Variants in TOR3A observed in about 807,000 individuals in gnomAD.
TOR3A encodes torsin family 3 member A, also known as torsin-3A.
TOR3A carries 44 observed loss-of-function variants against 42.1 expected under a neutral mutation model. The ratio of observed to expected loss-of-function variants is 1.04; its 90% confidence interval spans 0.82 to 1.34. The LOEUF (loss-of-function observed/expected upper bound fraction) is 1.34. Ranked by LOEUF, TOR3A falls within the 40% of genes most tolerant of loss-of-function variation. The pLI, the probability that TOR3A is intolerant of heterozygous loss-of-function variation, is 0.00. For synonymous variants in TOR3A, 227 were observed against 213.2 expected, an observed-to-expected ratio of 1.06 and a Z score of -0.57; for missense variants, 521 against 507.6, an observed-to-expected ratio of 1.03 and a Z score of -0.25.
intron 3 of TOR3A, among the ~76,000 whole-genome samples, chr1:179,086,213 A>T (rs1189633197): frequency 6.6e-6 from 1 of 152,202 alleles, no homozygotes; most frequent in African/African-American, 2.4e-5. Context: ...TAGAACAGAG[A>T]AAAGCAAAAA....
In TOR3A at chr1:179,095,289, C is replaced by T. The variant is rs764267240; in HGVS notation, c.*71C>T. ...GACCCTGGGACCTGTAGGAGCACCC[C>T]GTTTGGGACTGTGAGGTGTTTGAGG... On this transcript the variant is annotated 3_prime_UTR_variant, in exon 6 of 6. Coordinates refer to ENST00000367627, the MANE Select transcript of TOR3A (RefSeq NM_022371.4). 1.5e-5 allele frequency: 24 copies of T among 1,590,934 alleles called. 1 individual carries two copies. In the African/African-American group the frequency reaches 2.0e-4, roughly 13 times the overall value.
chr1:179,084,038 C>G (rs919748154), intron 2 of TOR3A, among the ~76,000 whole-genome samples: 5 of 152,144 alleles, frequency 3.3e-5, no homozygotes, highest in Non-Finnish European at 7.3e-5. Context: ...TGGATCACTG[C>G]TGACTTGGAT....
chr1:179,087,338 G>A (rs1399943557), intron 3 of TOR3A, among the ~76,000 whole-genome samples: 4 of 152,170 alleles, frequency 2.6e-5, no homozygotes, highest in African/African-American at 9.7e-5. Flanking sequence ...TCTCGGCCCA[G>A]CCAGGGTGCC....
Position 179,095,828 on chromosome 1 carries a change from GGAAAAGTACACA to G in TOR3A, c.*613_*624del, listed in dbSNP as rs1652726910. The G allele has an allele frequency of 5.1e-6, 5 of 986,618 alleles. No individual in the cohort carries two copies. The highest frequency in any genetic ancestry group is 6.0e-6 in the Non-Finnish European group (5 of 831,042). The allele number at this position is 986,618 out of a possible 1,614,324, so 61.1% of individuals were successfully genotyped here. On this transcript the variant is annotated 3_prime_UTR_variant, in exon 6 of 6. Transcript: ENST00000367627. ...ATCAGCCAAGAGCCTGAGGCTGAAGGGAAAAGTACACAGAGGAAGATATTTTACAAACCAGGT... is the reference window on the plus strand; with the variant it reads ...ATCAGCCAAGAGCCTGAGGCTGAAGGGAGGAAGATATTTTACAAACCAGGT...
chr1:179,091,644 A>T (rs1488547195), intron 4 of TOR3A: 1 of 152,120 alleles, frequency 6.6e-6, no homozygotes, highest in African/African-American at 2.4e-5. Context: ...ATGTGATGGG[A>T]CCTCTCTTTA....
In TOR3A at chr1:179,088,832, C is replaced by G. The variant is rs531973284; in HGVS notation, c.818+743C>G. 3.2e-4 allele frequency among the ~76,000 whole-genome samples: 49 copies of G among 152,332 alleles called. No homozygotes were observed. In the South Asian group the frequency reaches 7.0e-3, roughly 22 times the overall value. ...GGCTCCAACTGGGGGAGTCCTGTGT[C>G]TGTTACAAGTCAAGTTTGGGCCCTT... On this transcript the variant is annotated intron_variant, in intron 4 of 5. Transcript: ENST00000367627.
intron 4 of TOR3A, among the ~76,000 whole-genome samples, chr1:179,092,155 G>A (rs1174284728): frequency 2.6e-5 from 4 of 152,210 alleles, no homozygotes; most frequent in South Asian, 2.1e-4. Flanking sequence ...AGGGAAGGAC[G>A]CCTGCCCAGC....
rs1572578789 is a variant in TOR3A at position 179,095,467 on chromosome 1, C to T, written c.*249C>T. 1 of 1,363,780 alleles carries T rather than the reference C, an allele frequency of 7.3e-7. No individual in the cohort carries two copies. The highest frequency in any genetic ancestry group is 2.8e-5 in the East Asian group (1 of 35,438). The allele number at this position is 1,363,780 out of a possible 1,614,324, so 84.5% of individuals were successfully genotyped here. On this transcript the variant is annotated 3_prime_UTR_variant, in exon 6 of 6. Transcript: ENST00000367627. Reference sequence around the variant, plus strand: ...GGATTGCTGAATTCAAAAACAGAGCCCATTCTTAAGATCACTTGGTGCCTT... The same window carrying T: ...GGATTGCTGAATTCAAAAACAGAGCTCATTCTTAAGATCACTTGGTGCCTT...
intron 5 of TOR3A, 73 bp from the exon 6 acceptor site, chr1:179,094,895 C>A (rs912307078): frequency 1.4e-6 from 2 of 1,473,648 alleles, no homozygotes; most frequent in Non-Finnish European, 1.9e-6. Context: ...CCAACAGCAA[C>A]CCCCACCCCC....
chr1:179,088,770 C>G (rs1652500732), intron 4 of TOR3A, among the ~76,000 whole-genome samples: 1 of 152,190 alleles, frequency 6.6e-6, no homozygotes, highest in African/African-American at 2.4e-5. Context: ...GTGAAGCCAA[C>G]TTAGAAATAA....
intron 1 of TOR3A, among the ~76,000 whole-genome samples, 174 bp downstream of exon 1, chr1:179,082,561 C>A (rs1372774965): frequency 6.6e-6 from 1 of 152,242 alleles, no homozygotes; most frequent in Non-Finnish European, 1.5e-5. Context: ...GGAGCCCCAT[C>A]ACCGCCCTTG....
At chr1:179,089,944 C>T (rs948597658) in intron 4 of TOR3A, among the ~76,000 whole-genome samples, 29 of 152,286 alleles carry the variant, frequency 1.9e-4, no homozygotes, top group African/African-American at 6.5e-4. Flanking sequence ...TCACCTGGGC[C>T]GTGATTGCCT....
At chr1:179,093,946 T>C in intron 4 of TOR3A, 147 bp from the exon 5 acceptor site, 1 of 1,021,026 alleles carries the variant, frequency 9.8e-7, no homozygotes, top group Non-Finnish European at 1.4e-6. Flanking sequence ...GTTGTGAGGT[T>C]GTGACAAGGT....
At chr1:179,086,719 A>G (rs756113562) in intron 3 of TOR3A, among the ~76,000 whole-genome samples, 1 of 150,930 alleles carries the variant, frequency 6.6e-6, no homozygotes, top group Non-Finnish European at 1.5e-5. Context: ...TGATTTTTTC[A>G]TGTCTTCCCG....
chr1:179,095,568 A>G lies in TOR3A; in HGVS notation c.*350A>G, dbSNP rs1048522367. On this transcript the variant is annotated 3_prime_UTR_variant, in exon 6 of 6. Transcript: ENST00000367627. ...GTTGAAGAAAGCCATGTGGGAGCTCAGCAAATCCCAAGGGCTTATTATGAC... is the reference window on the plus strand; with the variant it reads ...GTTGAAGAAAGCCATGTGGGAGCTCGGCAAATCCCAAGGGCTTATTATGAC... 22 of 1,146,638 alleles carry G rather than the reference A, an allele frequency of 1.9e-5. No individual in the cohort carries two copies. The African/African-American group carries it at 3.3e-4, about 17-fold the overall frequency. The allele number at this position is 1,146,638 out of a possible 1,614,324, so 71.0% of individuals were successfully genotyped here.
chr1:179,082,737 G>A (rs1183342421), intron 1 of TOR3A: 1 of 704,358 alleles, frequency 1.4e-6, no homozygotes, highest in South Asian at 1.5e-5. Context: ...AACGTCCGCT[G>A]TGGACATGCC....
intron 1 of TOR3A, 136 bp downstream of exon 1, chr1:179,082,523 G>GC: frequency 1.5e-6 from 2 of 1,326,882 alleles, no homozygotes; most frequent in Non-Finnish European, 2.0e-6. Flanking sequence ...GGTACCGGCT[G>GC]TGGGCGGGGG....
At chr1:179,094,870 C>T in intron 5 of TOR3A, 98 bp from the exon 6 acceptor site, 1 of 1,189,260 alleles carries the variant, frequency 8.4e-7, no homozygotes, top group Non-Finnish European at 1.2e-6. Flanking sequence ...AGAGCAAGCC[C>T]CTGTTTCAAA....
At position 179,095,469 on chromosome 1, in the gene TOR3A, A is replaced by C. The variant is rs1652716673; in HGVS notation, c.*251A>C. The C allele has an allele frequency of 1.5e-6, 2 of 1,361,302 alleles. No individual in the cohort carries two copies. The highest frequency in any genetic ancestry group is 2.9e-5 in the African/African-American group (2 of 68,572). 84.3% of individuals were successfully genotyped at this position (1,361,302 alleles called of 1,614,324 possible). On this transcript the variant is annotated 3_prime_UTR_variant, in exon 6 of 6. Transcript: ENST00000367627. Reference sequence around the variant, plus strand: ...ATTGCTGAATTCAAAAACAGAGCCCATTCTTAAGATCACTTGGTGCCTTAA... The same window carrying C: ...ATTGCTGAATTCAAAAACAGAGCCCCTTCTTAAGATCACTTGGTGCCTTAA...
Sources: allele counts gnomAD v4.1 joint callset (sites outside exome capture counted in the v4.1 genomes callset), GRCh38; gene constraint gnomAD v4.1.1; transcripts MANE v1.5; gene names NCBI Gene and HGNC (gene_info 2026-07-23, HGNC 2026-07-21).